Variants in FMN2 observed in about 807,000 individuals in gnomAD.
FMN2 encodes formin 2.
In FMN2, 51 loss-of-function variants were observed where a neutral mutation model predicts 142.3. That is an observed-to-expected ratio of 0.36 (90% CI 0.29 to 0.45). The LOEUF (loss-of-function observed/expected upper bound fraction) is 0.45. Ranked by LOEUF, FMN2 falls within the 20% of genes least tolerant of loss-of-function variation. The pLI, the probability that FMN2 is intolerant of heterozygous loss-of-function variation, is 1.00. For missense variants in FMN2, 1,936 were observed against 2,122.8 expected, an observed-to-expected ratio of 0.91 and a Z score of 1.73; for synonymous variants, 882 against 869.8, an observed-to-expected ratio of 1.01 and a Z score of -0.25.
intron 7 of FMN2, among the ~76,000 whole-genome samples, chr1:240,279,534 TAGC>T (rs1669327438): frequency 6.6e-6 from 1 of 152,138 alleles, no homozygotes; most frequent in Admixed American, 6.5e-5. Context: ...AAAATTCCCT[TAGC>T]AGTCCACTTT....
chr1:240,190,389 C>T (rs1665654352), intron 4 of FMN2, among the ~76,000 whole-genome samples: 1 of 152,140 alleles, frequency 6.6e-6, no homozygotes, highest in African/African-American at 2.4e-5. Context: ...ATTTTACGGG[C>T]TGATTCTTTT....
At position 240,208,694 on chromosome 1, in the gene FMN2, G is replaced by A. The variant is rs1666554995; in HGVS notation, c.3882G>A (p.Lys1294=). Residue 1294 remains lysine (K), a synonymous_variant, in exon 5 of 18, where the codon AAG becomes AAA. Transcript: ENST00000319653. ...KQPIEPCRPM[K]PLYWTRIQLH... is the part of the protein sequence containing the mutation. ...CCATAGAGCCTTGTCGACCAATGAA[G>A]CCTCTTTACTGGACCAGGATTCAAC... The A allele has an allele frequency of 6.2e-7, 1 of 1,613,488 alleles. No individual in the cohort carries two copies. Among genetic ancestry groups the A allele is most frequent in the African/African-American group, 1.3e-5 (1 of 74,908 alleles).
At chr1:240,422,140 G>A (rs943650232) in intron 15 of FMN2, among the ~76,000 whole-genome samples, 9 of 152,180 alleles carry the variant, frequency 5.9e-5, no homozygotes, top group African/African-American at 1.9e-4. Flanking sequence ...GTACCATGCT[G>A]TCTTGATTAC....
At chr1:240,413,372 C>T (rs556093778) in intron 15 of FMN2, among the ~76,000 whole-genome samples, 1 of 151,856 alleles carries the variant, frequency 6.6e-6, no homozygotes, top group South Asian at 2.1e-4. Context: ...GGGTTAAAGG[C>T]TCATAGGAGT....
intron 8 of FMN2, among the ~76,000 whole-genome samples, chr1:240,325,060 T>C (rs1328154787): frequency 6.6e-6 from 1 of 152,136 alleles, no homozygotes; most frequent in East Asian, 1.9e-4. Context: ...TGAAAAGGGA[T>C]ATGTTTTTGA....
chr1:240,385,707 C>T (rs999518865), intron 14 of FMN2, among the ~76,000 whole-genome samples: 3 of 152,128 alleles, frequency 2.0e-5, no homozygotes, highest in South Asian at 4.1e-4. Context: ...CACTTCAATA[C>T]GTACATCAGG....
At chr1:240,106,406 C>G (rs1417182344) in intron 1 of FMN2, among the ~76,000 whole-genome samples, 1 of 152,162 alleles carries the variant, frequency 6.6e-6, no homozygotes, top group East Asian at 1.9e-4. Context: ...TTCATATTGT[C>G]TTTTAAACAT....
intron 14 of FMN2, among the ~76,000 whole-genome samples, chr1:240,373,541 C>T (rs983736268): frequency 1.3e-5 from 2 of 152,172 alleles, no homozygotes; most frequent in African/African-American, 4.8e-5. Context: ...ATGTTCACAG[C>T]ATCTTTAACA....
chr1:240,256,776 CA>C (rs1668464209), intron 6 of FMN2, among the ~76,000 whole-genome samples: 1 of 151,664 alleles, frequency 6.6e-6, no homozygotes, highest in Non-Finnish European at 1.5e-5. Context: ...ACAACGACAA[CA>C]AAAAAGATCA....
At chr1:240,345,097 G>A (rs903532483) in intron 13 of FMN2, among the ~76,000 whole-genome samples, 1 of 152,112 alleles carries the variant, frequency 6.6e-6, no homozygotes, top group African/African-American at 2.4e-5. Context: ...TTGGCAAACT[G>A]CTCATTCTTC....
At chr1:240,127,195 C>T (rs1359097479) in intron 2 of FMN2, among the ~76,000 whole-genome samples, 1 of 150,214 alleles carries the variant, frequency 6.7e-6, no homozygotes, top group Non-Finnish European at 1.5e-5. Context: ...ATGATCTTGG[C>T]TCACTGCATC....
At chr1:240,250,884 A>G (rs545278268) in intron 6 of FMN2, among the ~76,000 whole-genome samples, 2 of 152,182 alleles carry the variant, frequency 1.3e-5, no homozygotes, top group Non-Finnish European at 2.9e-5. Context: ...ATAGTTGTTC[A>G]TAATAGTCTC....
chr1:240,175,731 T>A (rs373783368), intron 2 of FMN2, among the ~76,000 whole-genome samples: 2 of 152,152 alleles, frequency 1.3e-5, no homozygotes, highest in Admixed American at 6.5e-5. Context: ...TTTGTTTGTT[T>A]TTTAAATAGC....
rs535685638 is a variant in FMN2, at chr1:240,151,306, T to C, written c.1783-26615T>C. On this transcript the variant is annotated intron_variant, in intron 2 of 17. Coordinates refer to ENST00000319653, the MANE Select transcript of FMN2 (RefSeq NM_020066.5). ...CCAACAAGTCACCCTAGTCTATAAG[T>C]AGCAGAGCATGTCACAGATCTTAAT... Among the ~76,000 whole-genome samples, 4 of 152,298 alleles carry C rather than the reference T, an allele frequency of 2.6e-5. No homozygotes were observed. In the South Asian group the frequency reaches 8.3e-4, roughly 32 times the overall value.
intron 4 of FMN2, among the ~76,000 whole-genome samples, chr1:240,205,665 G>A (rs1468203675): frequency 6.6e-6 from 1 of 151,596 alleles, no homozygotes; most frequent in Non-Finnish European, 1.5e-5. Context: ...GTTTCACTGT[G>A]TTAGCCAGGA....
Position 240,222,974 on chromosome 1 carries a change from A to C in FMN2, c.4065+11739A>C, listed in dbSNP as rs373390645. On this transcript the variant is annotated intron_variant, in intron 6 of 17. Coordinates refer to ENST00000319653, the MANE Select transcript of FMN2 (RefSeq NM_020066.5). ...TTGACTTCCTATTTGAATACCCTTT[A>C]TTTCTTTCTTTTGCCTGATTGCCCT... 1.2e-4 allele frequency among the ~76,000 whole-genome samples: 18 copies of C among 152,144 alleles called. No individual in the cohort carries two copies. In the East Asian group the frequency reaches 2.7e-3, roughly 23 times the overall value.
chr1:240,219,828 A>C (rs951589715), intron 6 of FMN2, among the ~76,000 whole-genome samples: 9 of 151,420 alleles, frequency 5.9e-5, no homozygotes, highest in Non-Finnish European at 7.4e-5. Context: ...CTAACTTTTT[A>C]ATTTTTATTT....
chr1:240,391,575 CT>C (rs1339412804), intron 14 of FMN2, among the ~76,000 whole-genome samples: 4 of 151,562 alleles, frequency 2.6e-5, no homozygotes, highest in South Asian at 2.1e-4. Context: ...TTACATTTTA[CT>C]TTTTTTTTGT....
chr1:240,431,920 A>C (rs1057183133), intron 15 of FMN2, among the ~76,000 whole-genome samples: 1 of 151,054 alleles, frequency 6.6e-6, no homozygotes, highest in African/African-American at 2.4e-5. Context: ...TTGTCTATAC[A>C]TTTATTTTTT....
Sources: gnomAD v4.1 joint callset for allele counts (sites outside exome capture counted in the v4.1 genomes callset) on GRCh38, gnomAD v4.1.1 for gene constraint, MANE v1.5 for transcripts, NCBI Gene and HGNC (gene_info 2026-07-23, HGNC 2026-07-21) for gene names.